Variants in ATP2B2 observed in about 807,000 individuals in gnomAD.
ATP2B2 encodes the protein ATPase plasma membrane Ca2+ transporting 2, also known as plasma membrane calcium-transporting ATPase 2.
Under a neutral mutation model 120.0 loss-of-function variants are expected in ATP2B2, and 15 were observed. That is an observed-to-expected ratio of 0.12 (90% CI 0.08 to 0.19). ATP2B2 has a LOEUF of 0.19. Ranked by LOEUF, ATP2B2 falls within the 10% of genes least tolerant of loss-of-function variation. The pLI, the probability that ATP2B2 is intolerant of heterozygous loss-of-function variation, is 1.00. For synonymous variants in ATP2B2, 694 were observed against 700.3 expected, an observed-to-expected ratio of 0.99 and a Z score of 0.14; for missense variants, 1,045 against 1,719.8, an observed-to-expected ratio of 0.61 and a Z score of 6.94.
At chr3:10,441,536 G>A (rs573274974) in intron 2 of ATP2B2, among the ~76,000 whole-genome samples, 1 of 152,280 alleles carries the variant, frequency 6.6e-6, no homozygotes, top group Admixed American at 6.5e-5. Flanking sequence ...CACTGCACCC[G>A]ACATTTCCTG....
At chr3:10,484,681 C>T (rs2065564376) in intron 1 of ATP2B2, among the ~76,000 whole-genome samples, 3 of 152,144 alleles carry the variant, frequency 2.0e-5, no homozygotes, top group South Asian at 2.1e-4. Context: ...GGGGTTGAGC[C>T]GTAACTCTGA....
chr3:10,513,458 G>C (rs1358404047), intron 3 of ATP2B2, among the ~76,000 whole-genome samples: 4 of 152,200 alleles, frequency 2.6e-5, no homozygotes, highest in South Asian at 2.1e-4. Context: ...CCCTGGGAAG[G>C]GGGGCAGCTG....
chr3:10,661,747 T>C (rs1468268795), intron 1 of ATP2B2, among the ~76,000 whole-genome samples: 1 of 152,228 alleles, frequency 6.6e-6, no homozygotes, highest in Non-Finnish European at 1.5e-5. Flanking sequence ...TGGAAAAAAC[T>C]ACTTTAAAGT....
In ATP2B2 at chr3:10,347,821, G is replaced by C. The variant is rs2060472087; in HGVS notation, c.2405-1684C>G. Among the ~76,000 whole-genome samples the C allele has an allele frequency of 6.6e-6, 1 of 152,150 alleles. No individual in the cohort carries two copies. Among genetic ancestry groups the C allele is most frequent in the African/African-American group, 2.4e-5 (1 of 41,432 alleles). On this transcript the variant is annotated intron_variant, in intron 16 of 22. Coordinates refer to ENST00000360273, the MANE Select transcript of ATP2B2 (RefSeq NM_001001331.4). This position sits in a 1 kb window ranked among gnomAD's most constrained non-coding sequence, Gnocchi z 5.2. ...AGACGCCTCCCTGCCTCCAGTCCTG[G>C]GGTGGCCTGACTGTGTGCAGTCACC...
intron 14 of ATP2B2, among the ~76,000 whole-genome samples, chr3:10,358,236 C>G (rs1048931161): frequency 2.0e-5 from 3 of 152,202 alleles, no homozygotes; most frequent in Non-Finnish European, 4.4e-5. Context: ...GACAGGGACA[C>G]CACACTTCGG....
intron 10 of ATP2B2, among the ~76,000 whole-genome samples, chr3:10,377,989 C>T (rs1036920659): frequency 6.6e-6 from 1 of 152,220 alleles, no homozygotes; most frequent in Non-Finnish European, 1.5e-5. Flanking sequence ...TTCTCACAGC[C>T]ATTGCCGGAC....
intron 8 of ATP2B2, among the ~76,000 whole-genome samples, chr3:10,384,681 G>A (rs950812613): frequency 6.6e-6 from 1 of 151,576 alleles, no homozygotes; most frequent in African/African-American, 2.4e-5. Flanking sequence ...GTCCACATCC[G>A]AAGGACAGAA....
intron 1 of ATP2B2, among the ~76,000 whole-genome samples, chr3:10,698,078 T>C (rs2071765111): frequency 6.6e-6 from 1 of 152,220 alleles, no homozygotes; most frequent in Admixed American, 6.5e-5. Flanking sequence ...TTTCTGCCTG[T>C]GCTCTCAACT....
At position 10,359,922 on chromosome 3, in the gene ATP2B2, G is replaced by C; in HGVS notation, c.1861C>G (p.Arg621Gly). Reference protein sequence around the residue: ...TVIKLPDESFRMYSKGASEIV... With the variant: ...TVIKLPDESFGMYSKGASEIV... The stretch of plus-strand genomic sequence containing the variant: ...TCAGAAGCCCCCTTGCTGTACATGC[G>C]GAAGCTCTCGTCGGGCAGCTTGATG... The change falls in exon 13 of 23, where the codon CGC (arginine) becomes GGC (glycine). Residue 621 changes from arginine to glycine, a missense_variant. Physicochemically the swap from Arg to Gly is moderately radical, Grantham distance 125 (BLOSUM62 -2). Coordinates refer to ENST00000360273, the MANE Select transcript of ATP2B2 (RefSeq NM_001001331.4). 1 of 1,614,212 alleles carries C rather than the reference G, an allele frequency of 6.2e-7. No homozygotes were observed. The highest frequency in any genetic ancestry group is 8.5e-7 in the Non-Finnish European group (1 of 1,180,026).
chr3:10,365,181 C>A (rs1328737492), intron 12 of ATP2B2, among the ~76,000 whole-genome samples: 1 of 152,238 alleles, frequency 6.6e-6, no homozygotes, highest in Non-Finnish European at 1.5e-5. Flanking sequence ...CTCCCAGAAG[C>A]CTGCCTCTCT....
At position 10,324,927 on chromosome 3, in the gene ATP2B2, C is replaced by T. The variant is rs917042435; in HGVS notation, c.*3887G>A. 2.0e-5 allele frequency: 3 copies of T among 152,252 alleles called. No individual in the cohort carries two copies. The highest frequency in any genetic ancestry group is 2.1e-4 in the South Asian group (1 of 4,834). The allele number at this position is 152,252 out of a possible 1,614,324, so 9.4% of individuals were successfully genotyped here. On this transcript the variant is annotated 3_prime_UTR_variant, in exon 23 of 23. Transcript: ENST00000360273. The stretch of plus-strand genomic sequence containing the variant: ...AGGCCTAGGAGAGACTCCTCTTTCT[C>T]GTCTGGACCAGGGACAGATGGCGGG...
At chr3:10,576,237 G>C (rs1179859348) in intron 2 of ATP2B2, among the ~76,000 whole-genome samples, 3 of 152,186 alleles carry the variant, frequency 2.0e-5, no homozygotes, top group Admixed American at 6.5e-5. Context: ...AGGATGTCCT[G>C]CGCACACTCG....
At chr3:10,545,891 C>A (rs776020283) in intron 2 of ATP2B2, among the ~76,000 whole-genome samples, 7 of 152,044 alleles carry the variant, frequency 4.6e-5, no homozygotes, top group Non-Finnish European at 2.9e-5. Flanking sequence ...ATCTTAATAA[C>A]CTCAAATAAA....
At chr3:10,384,873 T>C (rs1477086293) in intron 8 of ATP2B2, among the ~76,000 whole-genome samples, 1 of 152,200 alleles carries the variant, frequency 6.6e-6, no homozygotes, top group African/African-American at 2.4e-5. Context: ...GGGACCCAGA[T>C]GCCAGCTTCA....
chr3:10,400,288 C>T (rs553828587), intron 5 of ATP2B2, among the ~76,000 whole-genome samples: 2 of 152,230 alleles, frequency 1.3e-5, no homozygotes, highest in Non-Finnish European at 2.9e-5. Context: ...GCCCATGAGG[C>T]CTGACCTGTG....
chr3:10,457,297 C>T (rs2064301755), intron 1 of ATP2B2, among the ~76,000 whole-genome samples: 1 of 151,736 alleles, frequency 6.6e-6, no homozygotes. Flanking sequence ...TATAGATATG[C>T]AAGATGAGTG....
chr3:10,627,106 C>A (rs1232103145), intron 1 of ATP2B2, among the ~76,000 whole-genome samples: 3 of 152,224 alleles, frequency 2.0e-5, no homozygotes, highest in Admixed American at 1.3e-4. Flanking sequence ...ACCCTCCCAG[C>A]ATCCTGTGGC....
chr3:10,441,873 C>G (rs1559342795), intron 2 of ATP2B2, among the ~76,000 whole-genome samples: 1 of 152,132 alleles, frequency 6.6e-6, no homozygotes, highest in East Asian at 1.9e-4. Flanking sequence ...GGTGGGGAAA[C>G]AGGTTCAGAG....
chr3:10,599,235 G>C (rs1269407077), intron 2 of ATP2B2, among the ~76,000 whole-genome samples: 2 of 152,234 alleles, frequency 1.3e-5, no homozygotes, highest in East Asian at 3.9e-4. Flanking sequence ...TGGAGGCTGG[G>C]TGTGGGTTTG....
Sources: gnomAD v4.1 joint callset for allele counts (sites outside exome capture counted in the v4.1 genomes callset) on GRCh38, gnomAD v4.1.1 for gene constraint, Gnocchi (gnomAD v3.1) non-coding constraint, MANE v1.5 for transcripts, NCBI Gene and HGNC (gene_info 2026-07-23, HGNC 2026-07-21) for gene names.